Variants in EPS8 observed in about 807,000 individuals in gnomAD.
The protein encoded by EPS8 is epidermal growth factor receptor kinase substrate 8.
Under a neutral mutation model 103.8 loss-of-function variants are expected in EPS8, and 42 were observed. The observed-to-expected ratio is 0.40, with a 90% confidence interval of 0.32 to 0.52. The LOEUF (loss-of-function observed/expected upper bound fraction) is 0.52. Ranked by LOEUF, EPS8 falls within the 20% of genes least tolerant of loss-of-function variation. The pLI, the probability that EPS8 is intolerant of heterozygous loss-of-function variation, is 0.40. For synonymous variants in EPS8, 344 were observed against 344.6 expected (o/e 1.00, Z 0.02); for missense variants, 969 against 1,005.1 (o/e 0.96, Z 0.49).
intron 1 of EPS8, among the ~76,000 whole-genome samples, chr12:15,685,297 T>C (rs1305469703): frequency 6.6e-6 from 1 of 152,186 alleles, no homozygotes; most frequent in African/African-American, 2.4e-5. Context: ...ATTCTTCGTC[T>C]TCCGAGCTCA....
intron 17 of EPS8, chr12:15,634,845 C>T: frequency 5.0e-6 from 2 of 397,510 alleles, no homozygotes; most frequent in Non-Finnish European, 8.9e-6. Flanking sequence ...TTATAATTCA[C>T]ATCAAATATC....
At chr12:15,723,315 A>AT (rs1946618621) in intron 1 of EPS8, among the ~76,000 whole-genome samples, 5 of 152,170 alleles carry the variant, frequency 3.3e-5, no homozygotes, top group Non-Finnish European at 5.9e-5. Context: ...TGTCTCAAAA[A>AT]AATATATATA....
chr12:15,745,489 A>G lies in EPS8; in HGVS notation c.-22+43672T>C, dbSNP rs936280328. Among the ~76,000 whole-genome samples the G allele has an allele frequency of 1.1e-4, 17 of 151,886 alleles. No homozygotes were observed. The highest frequency in any genetic ancestry group is 4.1e-4 in the African/African-American group (17 of 41,334). Reference sequence around the variant, plus strand: ...TAAAGTCAGCATAGAAATGGAAACCAGGTATTATCCCTGAATTAGACAGTC... The same window carrying G: ...TAAAGTCAGCATAGAAATGGAAACCGGGTATTATCCCTGAATTAGACAGTC... On this transcript the variant is annotated intron_variant, in intron 1 of 20. Coordinates refer to ENST00000281172, the MANE Select transcript of EPS8 (RefSeq NM_004447.6). This position sits in a 1 kb window ranked among gnomAD's most constrained non-coding sequence, Gnocchi z 4.6.
At position 15,769,035 on chromosome 12, in the gene EPS8, G is replaced by C. The variant is rs1360718356; in HGVS notation, c.-22+20126C>G. On this transcript the variant is annotated intron_variant, in intron 1 of 20. Coordinates refer to ENST00000281172, the MANE Select transcript of EPS8 (RefSeq NM_004447.6). The surrounding 1 kb of genome is among the most constrained non-coding windows in gnomAD (Gnocchi z 4.6). ...TTGCGCTGGCAAACAGTTCTTATCAGATATTTAAATCTTTGTGAACAGACA... is the reference window on the plus strand; with the variant it reads ...TTGCGCTGGCAAACAGTTCTTATCACATATTTAAATCTTTGTGAACAGACA... Among the ~76,000 whole-genome samples the C allele has an allele frequency of 6.6e-6, 1 of 152,122 alleles. No homozygotes were observed. The highest frequency in any genetic ancestry group is 1.5e-5 in the Non-Finnish European group (1 of 68,010).
intron 1 of EPS8, among the ~76,000 whole-genome samples, chr12:15,726,312 C>T (rs192349319): frequency 1.3e-5 from 2 of 151,548 alleles, no homozygotes; most frequent in Non-Finnish European, 1.5e-5. Flanking sequence ...ATGGGATTTA[C>T]GGAGGGGGCT....
intron 1 of EPS8, among the ~76,000 whole-genome samples, chr12:15,719,117 A>T (rs1946565614): frequency 6.6e-6 from 1 of 152,126 alleles, no homozygotes; most frequent in Non-Finnish European, 1.5e-5. Context: ...TCAAAAAATC[A>T]GGGGAAATGC....
chr12:15,752,188 C>G lies in EPS8; in HGVS notation c.-22+36973G>C, dbSNP rs1946939754. On this transcript the variant is annotated intron_variant, in intron 1 of 20. Coordinates refer to ENST00000281172, the MANE Select transcript of EPS8 (RefSeq NM_004447.6). This position sits in a 1 kb window ranked among gnomAD's most constrained non-coding sequence, Gnocchi z 4.4. ...CTAGGCCGGGCGTGGTGGCTCACGC[C>G]TGTAATCCCAGCACTTTGGGAGGCC... 6.6e-6 allele frequency among the ~76,000 whole-genome samples: 1 copy of G among 152,162 alleles called. No individual in the cohort carries two copies. The highest frequency in any genetic ancestry group is 1.9e-4 in the East Asian group (1 of 5,188).
intron 20 of EPS8, 78 bp from the exon 21 acceptor site, chr12:15,621,508 A>G: frequency 1.4e-6 from 1 of 736,746 alleles, no homozygotes; most frequent in Middle Eastern, 2.3e-4. Flanking sequence ...GGCTCAGGAT[A>G]AAATTCTACT....
intron 1 of EPS8, among the ~76,000 whole-genome samples, chr12:15,782,524 T>C (rs1001483372): frequency 6.6e-6 from 1 of 151,478 alleles, no homozygotes; most frequent in African/African-American, 2.4e-5. Context: ...AATAAATAAA[T>C]ACAATAAAAA....
chr12:15,732,984 T>C (rs768952223), intron 1 of EPS8, among the ~76,000 whole-genome samples: 1 of 151,982 alleles, frequency 6.6e-6, no homozygotes, highest in Non-Finnish European at 1.5e-5. Context: ...ACCACCTAGG[T>C]AGTCATGACT....
rs1472492464 is a variant in EPS8, at chr12:15,748,206, T to A, written c.-22+40955A>T. Among the ~76,000 whole-genome samples the A allele has an allele frequency of 6.6e-6, 1 of 152,160 alleles. No homozygotes were observed. The highest frequency in any genetic ancestry group is 1.5e-5 in the Non-Finnish European group (1 of 68,032). On this transcript the variant is annotated intron_variant, in intron 1 of 20. Coordinates refer to ENST00000281172, the MANE Select transcript of EPS8 (RefSeq NM_004447.6). This position sits in a 1 kb window ranked among gnomAD's most constrained non-coding sequence, Gnocchi z 4.8. ...AAATAATCATAATACCAACCTTGTC[T>A]ACTGCATAAGATCACTGAGAAGCAA...
intron 1 of EPS8, among the ~76,000 whole-genome samples, chr12:15,708,462 G>C (rs1425614214): frequency 6.6e-6 from 1 of 152,202 alleles, no homozygotes; most frequent in Non-Finnish European, 1.5e-5. Context: ...AGTGGTGCAA[G>C]ATGGGTTATC....
intron 13 of EPS8, 64 bp from the exon 14 acceptor site, chr12:15,651,070 T>A (rs1945406485): frequency 4.4e-6 from 6 of 1,352,548 alleles, no homozygotes; most frequent in Non-Finnish European, 6.2e-6. Flanking sequence ...CTCACAGTTA[T>A]CTTCAGTAAG....
chr12:15,748,846 T>C lies in EPS8; in HGVS notation c.-22+40315A>G, dbSNP rs1946901744. 1.3e-5 allele frequency among the ~76,000 whole-genome samples: 2 copies of C among 152,134 alleles called. No individual in the cohort carries two copies. The highest frequency in any genetic ancestry group is 2.4e-5 in the African/African-American group (1 of 41,428). On this transcript the variant is annotated intron_variant, in intron 1 of 20. Transcript: ENST00000281172. This position sits in a 1 kb window ranked among gnomAD's most constrained non-coding sequence, Gnocchi z 4.8. ...GCCCCGCCTCACCAAAAAAAGCCTA[T>C]CTGGTTTCCTAATTTTCATAATGGA...
rs775007835 is a variant in EPS8 at position 15,736,639 on chromosome 12, C to G, written c.-22+52522G>C. Among the ~76,000 whole-genome samples the G allele has an allele frequency of 1.3e-5, 2 of 152,008 alleles. No individual in the cohort carries two copies. Among genetic ancestry groups the G allele is most frequent in the African/African-American group, 2.4e-5 (1 of 41,384 alleles). The stretch of plus-strand genomic sequence containing the variant: ...AAATCAATCCGCAGCAGGTTAGAAG[C>G]ATTAAATTTGAATTTAGGAAGCTAG... On this transcript the variant is annotated intron_variant, in intron 1 of 20. Coordinates refer to ENST00000281172, the MANE Select transcript of EPS8 (RefSeq NM_004447.6). The surrounding 1 kb of genome is among the most constrained non-coding windows in gnomAD (Gnocchi z 4.2).
intron 18 of EPS8, among the ~76,000 whole-genome samples, chr12:15,626,853 C>T (rs1030394569): frequency 7.9e-5 from 12 of 152,044 alleles, no homozygotes; most frequent in African/African-American, 1.9e-4. Context: ...AATGCTTTCC[C>T]CCGCATCTCC....
At position 15,749,048 on chromosome 12, in the gene EPS8, G is replaced by T. The variant is rs10505788; in HGVS notation, c.-22+40113C>A. Among the ~76,000 whole-genome samples the T allele has an allele frequency of 0.076, 11,621 of 152,066 alleles. 616 individuals carry two copies. The highest frequency in any genetic ancestry group is 0.21 in the South Asian group (1,019 of 4,810). ...ACTTAAGGCCCTTTTAACTATTTTT[G>T]TCAAGATCCATCCTAGTGTTCTTTT... On this transcript the variant is annotated intron_variant, in intron 1 of 20. Coordinates refer to ENST00000281172, the MANE Select transcript of EPS8 (RefSeq NM_004447.6). The surrounding 1 kb of genome is among the most constrained non-coding windows in gnomAD (Gnocchi z 4.0).
At chr12:15,680,661 G>A (rs1398186018) in intron 3 of EPS8, among the ~76,000 whole-genome samples, 1 of 152,104 alleles carries the variant, frequency 6.6e-6, no homozygotes, top group East Asian at 1.9e-4. Flanking sequence ...AACATATGTG[G>A]CAAACTTCAG....
chr12:15,678,421 A>G (rs181074348), intron 3 of EPS8, among the ~76,000 whole-genome samples: 7 of 152,236 alleles, frequency 4.6e-5, no homozygotes, highest in Admixed American at 4.6e-4. Flanking sequence ...ATCCATTGCT[A>G]AGACTTCTCT....
Sources: allele counts gnomAD v4.1 joint callset (sites outside exome capture counted in the v4.1 genomes callset), GRCh38; gene constraint gnomAD v4.1.1; non-coding constraint Gnocchi (gnomAD v3.1); transcripts MANE v1.5; gene names NCBI Gene and HGNC (gene_info 2026-07-23, HGNC 2026-07-21).